The following WDFY4 variants were observed in gnomAD, a reference collection of about 807,000 sequenced individuals.
The protein encoded by WDFY4 is WDFY family member 4.
Under a neutral mutation model 351.9 loss-of-function variants are expected in WDFY4, and 169 were observed. The observed-to-expected ratio is 0.48, with a 90% CI of 0.42 to 0.55. The LOEUF (loss-of-function observed/expected upper bound fraction) is 0.55, where lower values mean the gene tolerates loss of function less well. Ranked by LOEUF, WDFY4 falls within the 20% of genes least tolerant of loss-of-function variation. The pLI, the probability that WDFY4 is intolerant of heterozygous loss-of-function variation, is 0.00. For missense variants in WDFY4, 3,803 were observed against 3,935.6 expected, an observed-to-expected ratio of 0.97 and a Z score of 0.90; for synonymous variants, 1,622 against 1,574.6, an observed-to-expected ratio of 1.03 and a Z score of -0.71.
chr10:48,796,472 A>C (rs887113667), intron 24 of WDFY4, 22 bp downstream of exon 24: 5 of 1,546,970 alleles, frequency 3.2e-6, no homozygotes, highest in Non-Finnish European at 4.4e-6. Context: ...ATTGGCCCTT[A>C]GTCCTTCAGG....
intron 2 of WDFY4, among the ~76,000 whole-genome samples, chr10:48,716,294 T>G (rs911047194): frequency 6.6e-5 from 10 of 152,132 alleles, no homozygotes; most frequent in Admixed American, 2.0e-4. Context: ...AAAAGCTGGG[T>G]TTTTCCTCTC....
intron 39 of WDFY4, among the ~76,000 whole-genome samples, chr10:48,857,617 A>T (rs1170290094): frequency 2.0e-5 from 3 of 152,228 alleles, no homozygotes; most frequent in African/African-American, 4.8e-5. Flanking sequence ...ATATATAAAT[A>T]TAAGTTATTT....
intron 12 of WDFY4, among the ~76,000 whole-genome samples, chr10:48,749,592 G>C (rs766818527): frequency 6.6e-6 from 1 of 152,168 alleles, no homozygotes; most frequent in Non-Finnish European, 1.5e-5. Flanking sequence ...CCCCTCAGCA[G>C]CACATCATCC....
At chr10:48,877,349 G>C (rs980940532) in intron 43 of WDFY4, 150 bp downstream of exon 43, 8 of 788,916 alleles carry the variant, frequency 1.0e-5, no homozygotes, top group Non-Finnish European at 1.4e-5. Context: ...GTGAAAAAAG[G>C]GATAGATTCC....
At chr10:48,917,035 C>A (rs542744036) in intron 47 of WDFY4, among the ~76,000 whole-genome samples, 14 of 152,226 alleles carry the variant, frequency 9.2e-5, no homozygotes, top group South Asian at 8.3e-4. Context: ...CAAATACTTA[C>A]CCTTGTGTTA....
chr10:48,941,583 G>A (rs982330068), intron 47 of WDFY4, among the ~76,000 whole-genome samples: 1 of 152,200 alleles, frequency 6.6e-6, no homozygotes, highest in African/African-American at 2.4e-5. Flanking sequence ...ACAGCGGAGG[G>A]ACACTGACTG....
intron 47 of WDFY4, among the ~76,000 whole-genome samples, chr10:48,939,396 T>G (rs972424324): frequency 6.6e-6 from 1 of 152,212 alleles, no homozygotes; most frequent in African/African-American, 2.4e-5. Flanking sequence ...AAGGATGATA[T>G]GGCAAATCAG....
rs1158889914 is a variant in WDFY4 at position 48,725,811 on chromosome 10, GA to G, written c.592-68del. 33 of 1,429,846 alleles carry G rather than the reference GA, an allele frequency of 2.3e-5. 1 individual carries two copies. The highest frequency in any genetic ancestry group is 4.6e-4 in the Middle Eastern group (2 of 4,350). 88.6% of individuals were successfully genotyped at this position (1,429,846 alleles called of 1,614,324 possible). ...CTCATCAGTGCTCCAGAGAAGTAGG[GA>G]ACAAATCCATCTGAGGAAGGAGACT... On this transcript the variant is annotated intron_variant, in intron 5 of 61. Coordinates refer to ENST00000325239, the MANE Select transcript of WDFY4 (RefSeq NM_001394531.1).
chr10:48,761,920 T>A (rs1261563162), intron 13 of WDFY4, among the ~76,000 whole-genome samples: 2 of 152,224 alleles, frequency 1.3e-5, no homozygotes, highest in Non-Finnish European at 2.9e-5. Flanking sequence ...TGGAGAAATG[T>A]GAGTTCAGAC....
intron 19 of WDFY4, among the ~76,000 whole-genome samples, chr10:48,784,850 C>CTTTTTT (rs1255134626): frequency 1.2e-5 from 1 of 80,668 alleles, no homozygotes; most frequent in Admixed American, 1.4e-4. Context: ...GCATCGTTTA[C>CTTTTTT]TTTTTTTTTT....
chr10:48,707,193 G>A (rs112229060), intron 1 of WDFY4, among the ~76,000 whole-genome samples: 1,944 of 152,266 alleles, frequency 0.013, 28 homozygotes, highest in Middle Eastern at 0.044. Context: ...TAGTAACTTA[G>A]AGAAATGCAA....
Position 48,981,598 on chromosome 10 carries a change from T to C in WDFY4, c.9488+120T>C, listed in dbSNP as rs558407981. 3.2e-4 allele frequency: 277 copies of C among 855,308 alleles called. 2 individuals are homozygous for C. The highest frequency in any genetic ancestry group is 1.1e-4 in the Non-Finnish European group (60 of 552,160). The allele number at this position is 855,308 out of a possible 1,614,324, so 53.0% of individuals were successfully genotyped here. A position where few individuals can be genotyped will look rare whatever the true frequency, so the allele number is the denominator to read the frequency against. Reference sequence around the variant, plus strand: ...GAGGAGGCCACTTCACTCCAGGACATGGCCCCACCAAGCACAGGAAGCAGC... The same window carrying C: ...GAGGAGGCCACTTCACTCCAGGACACGGCCCCACCAAGCACAGGAAGCAGC... On this transcript the variant is annotated intron_variant, in intron 61 of 61. Transcript: ENST00000325239.
chr10:48,793,550 C>T (rs574614016), intron 23 of WDFY4, among the ~76,000 whole-genome samples: 2 of 152,102 alleles, frequency 1.3e-5, no homozygotes, highest in Non-Finnish European at 2.9e-5. Context: ...CTCCCTCATC[C>T]TTTTCTAGGC....
At chr10:48,951,032 G>T (rs1255636963) in intron 51 of WDFY4, among the ~76,000 whole-genome samples, 2 of 152,250 alleles carry the variant, frequency 1.3e-5, no homozygotes, top group Non-Finnish European at 2.9e-5. Flanking sequence ...CCTGCACTGT[G>T]CAGAGACTGT....
chr10:48,969,249 G>A lies in WDFY4; in HGVS notation c.8769+1G>A. On this transcript the variant is annotated splice_donor_variant, in intron 56 of 61. Coordinates refer to ENST00000325239, the MANE Select transcript of WDFY4 (RefSeq NM_001394531.1). LOFTEE classifies it high-confidence loss of function. ...CTTGGGGAGCTACGGCTCCGACAAGGTGAGGGGGCTGCAGGGAGCAGGGGC... is the reference window on the plus strand; with the variant it reads ...CTTGGGGAGCTACGGCTCCGACAAGATGAGGGGGCTGCAGGGAGCAGGGGC... 6.4e-7 allele frequency: 1 copy of A among 1,551,234 alleles called. No homozygotes were observed. The highest frequency in any genetic ancestry group is 8.7e-7 in the Non-Finnish European group (1 of 1,146,920).
chr10:48,744,849 C>T (rs914958932), intron 12 of WDFY4, among the ~76,000 whole-genome samples: 5 of 152,330 alleles, frequency 3.3e-5, no homozygotes, highest in East Asian at 3.9e-4. Context: ...CGACTGCTCA[C>T]GATGGCTCCC....
chr10:48,863,961 A>C (rs1046068600), intron 39 of WDFY4, among the ~76,000 whole-genome samples: 1 of 152,122 alleles, frequency 6.6e-6, no homozygotes, highest in Non-Finnish European at 1.5e-5. Context: ...CTCACTCACT[A>C]TCACAAGAAC....
intron 13 of WDFY4, among the ~76,000 whole-genome samples, chr10:48,771,654 T>C (rs6537575): frequency 0.26 from 39,298 of 152,192 alleles, 5,679 homozygotes; most frequent in East Asian, 0.59. Flanking sequence ...CCACCCCATC[T>C]GCTGTGCTCG....
chr10:48,713,298 G>A (rs1279646968), intron 2 of WDFY4, among the ~76,000 whole-genome samples: 1 of 152,166 alleles, frequency 6.6e-6, no homozygotes, highest in Non-Finnish European at 1.5e-5. Flanking sequence ...ATTGTCTTGT[G>A]CATCAGACTC....
Sources: allele counts gnomAD v4.1 joint callset (sites outside exome capture counted in the v4.1 genomes callset), GRCh38; gene constraint gnomAD v4.1.1; transcripts MANE v1.5; gene names NCBI Gene and HGNC (gene_info 2026-07-23, HGNC 2026-07-21).